DST: variants seen among roughly 807,000 people sequenced by gnomAD.
DST encodes the protein dystonin, also known as bullous pemphigoid antigen.
In DST, 253 loss-of-function variants were observed where a neutral mutation model predicts 875.2. The observed-to-expected ratio is 0.29, with a 90% CI of 0.26 to 0.32. The LOEUF (loss-of-function observed/expected upper bound fraction) is 0.32. DST is among the 10% of genes least tolerant of loss of function. The pLI, the probability that DST is intolerant of heterozygous loss-of-function variation, is 1.00. For synonymous variants in DST, 3,124 were observed against 3,197.1 expected, an observed-to-expected ratio of 0.98 and a Z score of 0.77; for missense variants, 8,287 against 9,111.6, an observed-to-expected ratio of 0.91 and a Z score of 3.68.
chr6:56,884,847 G>A (rs889091989), intron 3 of DST, among the ~76,000 whole-genome samples: 2 of 152,052 alleles, frequency 1.3e-5, no homozygotes, highest in Admixed American at 1.3e-4. Flanking sequence ...TCCTGCCTCA[G>A]CCTCCCAGGT....
At chr6:56,565,740 G>A (rs566185840) in intron 55 of DST, among the ~76,000 whole-genome samples, 7 of 152,290 alleles carry the variant, frequency 4.6e-5, no homozygotes, top group South Asian at 2.1e-4. Flanking sequence ...TGGGAGATCC[G>A]CTGCTCTCTT....
chr6:56,606,014 GT>G lies in DST; in HGVS notation c.8613del (p.Lys2871AsnfsTer5). ...AGCTGTACAACATTTACCCTTTGCT[GT>G]TTTTCTAAAGAGCTACAACTGTGCA... ...DKMHSCSSLE[K>X]QQRVNVVQLA... On this transcript the variant is annotated frameshift_variant, in exon 40 of 104. Transcript: ENST00000680361. LOFTEE classifies it high-confidence loss of function. The G allele has an allele frequency of 6.2e-7, 1 of 1,612,542 alleles. No homozygotes were observed. Among genetic ancestry groups the G allele is most frequent in the Non-Finnish European group, 8.5e-7 (1 of 1,179,040 alleles).
chr6:56,862,108 T>C (rs1771508291), intron 3 of DST, among the ~76,000 whole-genome samples: 1 of 152,202 alleles, frequency 6.6e-6, no homozygotes, highest in East Asian at 1.9e-4. Flanking sequence ...CTTGGTCAAA[T>C]GTGAGTAGAA....
chr6:56,921,373 GT>G (rs1233004093), intron 2 of DST, among the ~76,000 whole-genome samples: 1 of 152,122 alleles, frequency 6.6e-6, no homozygotes, highest in African/African-American at 2.4e-5. Flanking sequence ...AAGAAAATCA[GT>G]TGACATCAAG....
chr6:56,843,681 C>T, intron 4 of DST: 1 of 982,334 alleles, frequency 1.0e-6, no homozygotes. Flanking sequence ...CAGACACTCG[C>T]CCGCGCCGGG....
Position 56,494,075 on chromosome 6 carries a change from C to A in DST, c.20329G>T (p.Asp6777Tyr). 1 of 1,609,856 alleles carries A rather than the reference C, an allele frequency of 6.2e-7. No individual in the cohort carries two copies. Among genetic ancestry groups the A allele is most frequent in the Non-Finnish European group, 8.5e-7 (1 of 1,177,620 alleles). ...TCTTTCAAGTTATTTATGTCTTGGT[C>A]AATATTTGTCTCTGCAGATTTTGGG... ...RCPKSAETNI[D>Y]QDINNLKEKW... The change falls in exon 83 of 104, where the codon GAC becomes TAC. Residue 6777 changes from aspartate to tyrosine, a missense_variant. Physicochemically the swap from Asp to Tyr is radical, Grantham distance 160 (BLOSUM62 -3). Around this residue, in one of 10 missense-constraint regions of DST, gnomAD observed 1,292 missense variants for 1,552.7 expected, o/e 0.83. Coordinates refer to ENST00000680361, the MANE Select transcript of DST (RefSeq NM_001374736.1).
chr6:56,703,815 C>T, intron 6 of DST, 69 bp from the exon 7 acceptor site: 1 of 448,168 alleles, frequency 2.2e-6, no homozygotes, highest in Non-Finnish European at 2.9e-6. Flanking sequence ...AAAAGAAGAG[C>T]ATGAACAGAA....
chr6:56,562,312 C>G, intron 55 of DST, 112 bp from the exon 56 acceptor site: 1 of 452,428 alleles, frequency 2.2e-6, no homozygotes, highest in Non-Finnish European at 3.7e-6. Flanking sequence ...AAAACACTGA[C>G]TCAACTTCAA....
chr6:56,616,557 A>T (rs1368957516), intron 36 of DST: 1 of 1,614,174 alleles, frequency 6.2e-7, no homozygotes. Flanking sequence ...AGTAATTCTG[A>T]GTAATACAGA....
At chr6:56,861,200 TA>T (rs1178304988) in intron 3 of DST, among the ~76,000 whole-genome samples, 2 of 152,214 alleles carry the variant, frequency 1.3e-5, no homozygotes, top group Non-Finnish European at 2.9e-5. Flanking sequence ...ACTTTTTCAT[TA>T]AAAACAAAAA....
Position 56,670,811 on chromosome 6 carries a change from GA to G in DST, c.1048-5del. On this transcript the variant is annotated splice_region_variant and splice_polypyrimidine_tract_variant and intron_variant, in intron 9 of 103. Transcript: ENST00000680361. ...CAGTAACATGGATATCAGATATCTA[GA>G]TATAACAGAAAGTGTTAAACCTTTA... 6.3e-7 allele frequency: 1 copy of G among 1,577,420 alleles called. No individual in the cohort carries two copies. The highest frequency in any genetic ancestry group is 8.6e-7 in the Non-Finnish European group (1 of 1,162,882).
chr6:56,880,741 A>C (rs1467725696), intron 3 of DST, among the ~76,000 whole-genome samples: 2 of 151,598 alleles, frequency 1.3e-5, no homozygotes, highest in East Asian at 1.9e-4. Context: ...TCTGTTTTTC[A>C]ACTTATCTGG....
chr6:56,485,486 A>C lies in DST; in HGVS notation c.21048-15T>G, dbSNP rs1258941336. On this transcript the variant is annotated splice_polypyrimidine_tract_variant and intron_variant, in intron 87 of 103. Coordinates refer to ENST00000680361, the MANE Select transcript of DST (RefSeq NM_001374736.1). ...ATTTGTTTTGTCTAGGGAAAAAGGT[A>C]GAAAAATTGATCCTTGCAACAAAAA... 6 of 1,609,216 alleles carry C rather than the reference A, an allele frequency of 3.7e-6. No individual in the cohort carries two copies. The South Asian group carries it at 6.7e-5, about 18-fold the overall frequency.
At chr6:56,793,149 G>A (rs1275799504) in intron 4 of DST, among the ~76,000 whole-genome samples, 7 of 150,530 alleles carry the variant, frequency 4.7e-5, no homozygotes, top group Admixed American at 1.3e-4. Flanking sequence ...TTTGCATCTT[G>A]GAGTCCTGGA....
intron 54 of DST, among the ~76,000 whole-genome samples, chr6:56,568,971 G>A (rs541114583): frequency 1.3e-5 from 2 of 152,136 alleles, no homozygotes; most frequent in East Asian, 3.9e-4. Flanking sequence ...AAATAAATAG[G>A]AATTCAGAAC....
chr6:56,870,175 A>T (rs1776334204), intron 3 of DST, among the ~76,000 whole-genome samples: 1 of 152,146 alleles, frequency 6.6e-6, no homozygotes, highest in Non-Finnish European at 1.5e-5. Context: ...GAAGGTGACC[A>T]CATCCACCTT....
In DST at chr6:56,849,657, G is replaced by A. The variant is rs778309731; in HGVS notation, c.625+1740C>T. Among the ~76,000 whole-genome samples, 9 of 152,120 alleles carry A rather than the reference G, an allele frequency of 5.9e-5. No individual in the cohort carries two copies. The South Asian group carries it at 1.0e-3, about 17-fold the overall frequency. On this transcript the variant is annotated intron_variant, in intron 4 of 103. Coordinates refer to ENST00000680361, the MANE Select transcript of DST (RefSeq NM_001374736.1). ...TTCCCCACCTGCAGTGTACAATGAT[G>A]GTTAGTACTACCAATTTCTCATGAC...
intron 3 of DST, among the ~76,000 whole-genome samples, chr6:56,873,549 T>C (rs560110594): frequency 3.9e-5 from 6 of 152,292 alleles, no homozygotes; most frequent in African/African-American, 1.4e-4. Flanking sequence ...AAGAATGAAA[T>C]TCTGTCATTT....
chr6:56,493,323 T>C lies in DST; in HGVS notation c.20395-234A>G, dbSNP rs7746753. 0.23 allele frequency among the ~76,000 whole-genome samples: 34,676 copies of C among 152,072 alleles called. 4,562 individuals carry two copies. The highest frequency in any genetic ancestry group is 0.41 in the Middle Eastern group (122 of 294). The stretch of plus-strand genomic sequence containing the variant: ...CACTGTAACTAAAAAAAAATTAATA[T>C]ACGCTAAAGCATGTTTTTTGGAAAT... On this transcript the variant is annotated intron_variant, in intron 83 of 103. Coordinates refer to ENST00000680361, the MANE Select transcript of DST (RefSeq NM_001374736.1).
Sources: allele counts gnomAD v4.1 joint callset (sites outside exome capture counted in the v4.1 genomes callset), GRCh38; gene constraint gnomAD v4.1.1; regional missense constraint gnomAD v4.1.1; transcripts MANE v1.5; gene names NCBI Gene and HGNC (gene_info 2026-07-23, HGNC 2026-07-21).